GALNTL6: variants seen among roughly 807,000 people sequenced by gnomAD.
GALNTL6 encodes polypeptide N-acetylgalactosaminyltransferase like 6, also known as polypeptide N-acetylgalactosaminyltransferase-like 6.
In GALNTL6, 46 loss-of-function variants were observed where a neutral mutation model predicts 73.7. The ratio of observed to expected loss-of-function variants is 0.62; its 90% CI spans 0.49 to 0.80. The LOEUF (loss-of-function observed/expected upper bound fraction) is 0.80. Among genes scored for constraint, GALNTL6 ranks in the 30% least tolerant of loss-of-function variants. The pLI is 0.00. For missense variants in GALNTL6, 604 were observed against 755.0 expected (o/e 0.80, Z 2.34); for synonymous variants, 259 against 263.7 (o/e 0.98, Z 0.17).
rs529316616 is a variant in GALNTL6, at chr4:172,816,107, T to C, written c.923+2384T>C. On this transcript the variant is annotated intron_variant, in intron 7 of 12. Transcript: ENST00000506823. ...GCAGTCTATCTATACAGCTTTCTTA[T>C]AGTCTTCCACATTTCAAGAGGCTGC... is the stretch of plus-strand genomic sequence containing the variant. 3.3e-5 allele frequency among the ~76,000 whole-genome samples: 5 copies of C among 152,338 alleles called. No individual in the cohort carries two copies. The South Asian group carries it at 1.0e-3, about 32-fold the overall frequency.
chr4:172,908,908 A>C (rs1444664137), intron 8 of GALNTL6, among the ~76,000 whole-genome samples: 1 of 151,940 alleles, frequency 6.6e-6, no homozygotes. Flanking sequence ...TTTTTAGCTA[A>C]GCTAAGTGCT....
At chr4:172,483,859 A>G (rs1462807467) in intron 5 of GALNTL6, among the ~76,000 whole-genome samples, 1 of 152,180 alleles carries the variant, frequency 6.6e-6, no homozygotes, top group Non-Finnish European at 1.5e-5. Context: ...TTGAGACTAG[A>G]AAGGTGGATG....
chr4:172,767,808 C>A (rs1158911744), intron 5 of GALNTL6, among the ~76,000 whole-genome samples: 1 of 151,270 alleles, frequency 6.6e-6, no homozygotes, highest in East Asian at 2.0e-4. Context: ...TAGCTGGGAT[C>A]ACAGGAGCAC....
intron 5 of GALNTL6, among the ~76,000 whole-genome samples, chr4:172,751,120 T>C (rs2110781233): frequency 6.6e-6 from 1 of 152,316 alleles, no homozygotes; most frequent in South Asian, 2.1e-4. Flanking sequence ...GATTCTATAC[T>C]GGGATTTTAC....
intron 5 of GALNTL6, among the ~76,000 whole-genome samples, chr4:172,461,216 G>C (rs1406329509): frequency 6.6e-6 from 1 of 152,034 alleles, no homozygotes; most frequent in South Asian, 2.1e-4. Flanking sequence ...GGGACCTGTT[G>C]GGGGGTGGGG....
At chr4:172,796,401 C>T (rs775397538) in intron 5 of GALNTL6, among the ~76,000 whole-genome samples, 6 of 152,140 alleles carry the variant, frequency 3.9e-5, no homozygotes, top group Non-Finnish European at 5.9e-5. Context: ...TTTTCATCAT[C>T]TATAAAATGA....
intron 3 of GALNTL6, among the ~76,000 whole-genome samples, chr4:172,299,157 A>G (rs1262704387): frequency 6.6e-6 from 1 of 152,074 alleles, no homozygotes; most frequent in African/African-American, 2.4e-5. Flanking sequence ...ATTTGTGTAG[A>G]GGTGTTTATA....
chr4:173,039,721 G>A (rs1370813298), intron 12 of GALNTL6, among the ~76,000 whole-genome samples: 2 of 152,152 alleles, frequency 1.3e-5, no homozygotes, highest in Non-Finnish European at 2.9e-5. Flanking sequence ...AATTGAACCT[G>A]CTTGTAGGCC....
At chr4:172,005,022 T>A (rs1740793068) in intron 2 of GALNTL6, among the ~76,000 whole-genome samples, 1 of 152,156 alleles carries the variant, frequency 6.6e-6, no homozygotes, top group Admixed American at 6.6e-5. Context: ...CTGTGCCTTG[T>A]TACGTGATAT....
chr4:172,870,310 TC>T (rs1330013312), intron 7 of GALNTL6, among the ~76,000 whole-genome samples: 2 of 152,120 alleles, frequency 1.3e-5, no homozygotes, highest in Non-Finnish European at 2.9e-5. Flanking sequence ...TGAGTAATGC[TC>T]CTCCCTCAGT....
chr4:172,072,866 TAGA>T (rs1236482364), intron 2 of GALNTL6, among the ~76,000 whole-genome samples: 1 of 152,346 alleles, frequency 6.6e-6, no homozygotes, highest in South Asian at 2.1e-4. Flanking sequence ...TTATACAGCA[TAGA>T]AGATTTCATT....
At chr4:172,519,486 T>C (rs1401197491) in intron 5 of GALNTL6, among the ~76,000 whole-genome samples, 3 of 150,926 alleles carry the variant, frequency 2.0e-5, no homozygotes, top group African/African-American at 7.3e-5. Context: ...ACCTGAATGT[T>C]TTCTTTTTCT....
At chr4:172,854,321 A>G (rs1337374606) in intron 7 of GALNTL6, among the ~76,000 whole-genome samples, 1 of 152,210 alleles carries the variant, frequency 6.6e-6, no homozygotes, top group African/African-American at 2.4e-5. Flanking sequence ...AAGCTCTTTC[A>G]GCACAGAAAA....
intron 8 of GALNTL6, among the ~76,000 whole-genome samples, chr4:172,908,676 T>A (rs545552404): frequency 4.8e-4 from 72 of 150,158 alleles, no homozygotes; most frequent in African/African-American, 1.8e-3. Flanking sequence ...CCTTTATAAA[T>A]ATAAAAAGAA....
rs1164482665 is a variant in GALNTL6 at position 172,259,455 on chromosome 4, GT to G, written c.247+29703del. Among the ~76,000 whole-genome samples, 680 of 137,640 alleles carry G rather than the reference GT, an allele frequency of 4.9e-3. 4 individuals carry two copies. The highest frequency in any genetic ancestry group is 0.011 in the African/African-American group (407 of 38,092). The allele number at this position is 137,640 out of a possible 152,430, so 90.3% of individuals were successfully genotyped here. A position where few individuals can be genotyped will look rare whatever the true frequency, so the allele number is the denominator to read the frequency against. ...TACCCACTTTTTGATGGGATTATTT[GT>G]TTTTTTTTTTTCTTGCTGATTTGTT... On this transcript the variant is annotated intron_variant, in intron 3 of 12. Coordinates refer to ENST00000506823, the MANE Select transcript of GALNTL6 (RefSeq NM_001034845.3).
chr4:172,602,756 G>A (rs1282297134), intron 5 of GALNTL6, among the ~76,000 whole-genome samples: 1 of 152,098 alleles, frequency 6.6e-6, no homozygotes, highest in East Asian at 1.9e-4. Context: ...ATATGAAAAT[G>A]TATATACACA....
chr4:172,037,933 C>A (rs1169422871), intron 2 of GALNTL6, among the ~76,000 whole-genome samples: 1 of 151,900 alleles, frequency 6.6e-6, no homozygotes, highest in Admixed American at 6.6e-5. Context: ...GCCTGGCCAA[C>A]ATGGTGAAAC....
rs193144550 is a variant in GALNTL6, at chr4:171,996,387, A to T, written c.138+181669A>T. Among the ~76,000 whole-genome samples, 433 of 152,164 alleles carry T rather than the reference A, an allele frequency of 2.8e-3. 4 individuals are homozygous for T. The highest frequency in any genetic ancestry group is 9.7e-3 in the African/African-American group (403 of 41,560). On this transcript the variant is annotated intron_variant, in intron 2 of 12. Transcript: ENST00000506823. The stretch of plus-strand genomic sequence containing the variant: ...TTGATGTGATATTTCATGGACCATT[A>T]TTTTATAAATCAGATTTCTAACATA...
chr4:172,211,780 A>G (rs1736329691), intron 2 of GALNTL6, among the ~76,000 whole-genome samples: 1 of 152,206 alleles, frequency 6.6e-6, no homozygotes, highest in Admixed American at 6.5e-5. Context: ...GGCATTCCTC[A>G]TAGACAGTGT....
Sources: allele counts gnomAD v4.1 joint callset (sites outside exome capture counted in the v4.1 genomes callset), GRCh38; gene constraint gnomAD v4.1.1; transcripts MANE v1.5; gene names NCBI Gene and HGNC (gene_info 2026-07-23, HGNC 2026-07-21).